COL28A1: variants seen among roughly 807,000 people sequenced by gnomAD.
COL28A1 encodes the protein collagen alpha-1(XXVIII) chain.
Under a neutral mutation model 150.2 loss-of-function variants are expected in COL28A1, and 161 were observed. The ratio of observed to expected loss-of-function variants is 1.07; its 90% confidence interval spans 0.94 to 1.22. The LOEUF is 1.22. COL28A1 is among the 50% of genes most tolerant of loss of function. COL28A1 has a pLI of 0.00. For missense variants in COL28A1, 1,617 were observed against 1,388.3 expected (o/e 1.16, Z -2.62); for synonymous variants, 552 against 469.7 (o/e 1.18, Z -2.26).
At chr7:7,400,413 A>G (rs1583293588) in intron 27 of COL28A1, among the ~76,000 whole-genome samples, 1 of 152,224 alleles carries the variant, frequency 6.6e-6, no homozygotes, top group Non-Finnish European at 1.5e-5. Context: ...AGATGGAAGA[A>G]GGAGCCACGA....
At chr7:7,434,977 G>A (rs539506207) in intron 23 of COL28A1, among the ~76,000 whole-genome samples, 14 of 152,214 alleles carry the variant, frequency 9.2e-5, no homozygotes, top group South Asian at 6.2e-4. Flanking sequence ...TAAATCTTCC[G>A]TCAGACCTTC....
At chr7:7,430,801 G>C (rs998617948) in intron 25 of COL28A1, among the ~76,000 whole-genome samples, 14 of 152,004 alleles carry the variant, frequency 9.2e-5, no homozygotes, top group African/African-American at 2.4e-5. Context: ...AAAGAAAAAA[G>C]AATACATCAG....
At position 7,511,725 on chromosome 7, in the gene COL28A1, G is replaced by A. The variant is rs1200464757; in HGVS notation, c.883-590C>T. 4 of 470,756 alleles carry A rather than the reference G, an allele frequency of 8.5e-6. No homozygotes were observed. In the Admixed American group the frequency reaches 9.4e-5, roughly 11 times the overall value. The allele number at this position is 470,756 out of a possible 1,614,324, so 29.2% of individuals were successfully genotyped here. On this transcript the variant is annotated intron_variant, in intron 8 of 34. Coordinates refer to ENST00000399429, the MANE Select transcript of COL28A1 (RefSeq NM_001037763.3). Reference sequence around the variant, plus strand: ...TGAAGTGAGATTGCATCGTGAGTTAGTGGGAACAGGTGCCATGATGAGTTA... The same window carrying A: ...TGAAGTGAGATTGCATCGTGAGTTAATGGGAACAGGTGCCATGATGAGTTA...
chr7:7,507,135 C>T lies in COL28A1; in HGVS notation c.954G>A (p.Lys318=). The T allele has an allele frequency of 3.8e-6, 5 of 1,300,560 alleles. No individual in the cohort carries two copies. The South Asian group carries it at 4.8e-5, about 12-fold the overall frequency. The allele number at this position is 1,300,560 out of a possible 1,614,324, so 80.6% of individuals were successfully genotyped here. Residue 318 remains lysine (K), a synonymous_variant, in exon 10 of 35, where the codon AAG becomes AAA. Coordinates refer to ENST00000399429, the MANE Select transcript of COL28A1 (RefSeq NM_001037763.3). ...CCCTTACCTGAATTCCTCTGGGTCC[C>T]TTTGGTCCATATGGCCCTGGGGATC... The part of the protein sequence containing the change: ...DKGSPGPYGP[K]GPRGIQGITG...
chr7:7,471,539 T>A (rs1788429623), intron 15 of COL28A1, among the ~76,000 whole-genome samples: 1 of 152,182 alleles, frequency 6.6e-6, no homozygotes, highest in Non-Finnish European at 1.5e-5. Context: ...ATGGGTTTCA[T>A]AACAGGGATG....
chr7:7,441,579 T>C (rs2128320766), intron 20 of COL28A1, among the ~76,000 whole-genome samples: 1 of 152,034 alleles, frequency 6.6e-6, no homozygotes, highest in African/African-American at 2.4e-5. Context: ...TAAATATTTA[T>C]ACTATAAATT....
intron 27 of COL28A1, among the ~76,000 whole-genome samples, chr7:7,399,471 G>A (rs1783040681): frequency 6.6e-6 from 1 of 152,108 alleles, no homozygotes; most frequent in Admixed American, 6.6e-5. Context: ...CTATTTCAGG[G>A]CCCTGCATAT....
intron 9 of COL28A1, among the ~76,000 whole-genome samples, chr7:7,510,078 A>G (rs917102897): frequency 6.6e-6 from 1 of 152,104 alleles, no homozygotes; most frequent in Non-Finnish European, 1.5e-5. Flanking sequence ...TTCCAGAATT[A>G]TAACATAGAA....
At chr7:7,533,018 A>T in intron 1 of COL28A1, 106 bp from the exon 2 acceptor site, 1 of 1,192,448 alleles carries the variant, frequency 8.4e-7, no homozygotes, top group Non-Finnish European at 1.1e-6. Context: ...TGGAAAAAAG[A>T]GGTTTTCATT....
chr7:7,414,016 T>A (rs1783931131), intron 27 of COL28A1, among the ~76,000 whole-genome samples: 1 of 152,190 alleles, frequency 6.6e-6, no homozygotes, highest in Non-Finnish European at 1.5e-5. Context: ...ATCAGGACAC[T>A]GGAACGGACT....
chr7:7,489,737 C>T (rs1453335073), intron 12 of COL28A1, among the ~76,000 whole-genome samples: 1 of 152,154 alleles, frequency 6.6e-6, no homozygotes, highest in Admixed American at 6.5e-5. Context: ...TGTGGCAATG[C>T]AGGTTGGTTA....
intron 13 of COL28A1, 86 bp from the exon 14 acceptor site, chr7:7,477,266 G>A: frequency 2.6e-6 from 2 of 768,294 alleles, no homozygotes; most frequent in Non-Finnish European, 4.6e-6. Context: ...GGAAGAAAGA[G>A]AATGGTTATA....
the COL28A1 span, among the ~76,000 whole-genome samples, chr7:7,343,850 A>T: frequency 1.3e-5 from 2 of 152,000 alleles, no homozygotes; most frequent in Non-Finnish European, 2.9e-5. Flanking sequence ...TCTACAAAAA[A>T]ATCAAAAATT....
chr7:7,396,089 G>T (rs922778755), intron 27 of COL28A1, among the ~76,000 whole-genome samples: 2 of 152,112 alleles, frequency 1.3e-5, no homozygotes, highest in African/African-American at 4.8e-5. Context: ...CACTTGAGAA[G>T]GTAAAGGTAT....
At chr7:7,507,207 A>G (rs765071497) in intron 9 of COL28A1, 46 bp from the exon 10 acceptor site, 1 of 839,236 alleles carries the variant, frequency 1.2e-6, no homozygotes. Flanking sequence ...ATACATCTTC[A>G]ACGTGCAGTG....
chr7:7,437,381 C>T lies in COL28A1; in HGVS notation c.1791+13G>A, dbSNP rs1242531606. ...GGGTCAAGAAAAAGAAAATAATCTC[C>T]AAGAATATATACCTTTGGCCCAGGT... On this transcript the variant is annotated intron_variant, in intron 22 of 34. Transcript: ENST00000399429. 1 of 1,603,354 alleles carries T rather than the reference C, an allele frequency of 6.2e-7. No homozygotes were observed. The highest frequency in any genetic ancestry group is 1.7e-5 in the Admixed American group (1 of 58,064).
intron 33 of COL28A1, among the ~76,000 whole-genome samples, chr7:7,363,031 T>G (rs2128279233): frequency 6.6e-6 from 1 of 152,270 alleles, no homozygotes; most frequent in South Asian, 2.1e-4. Flanking sequence ...TTCCAAAAGT[T>G]ATTGGTAAGC....
At chr7:7,366,512 G>C (rs1018470955) in intron 33 of COL28A1, among the ~76,000 whole-genome samples, 7 of 152,066 alleles carry the variant, frequency 4.6e-5, no homozygotes, top group Non-Finnish European at 1.0e-4. Flanking sequence ...TATATTCTGA[G>C]GGTAACAAGT....
intron 27 of COL28A1, among the ~76,000 whole-genome samples, chr7:7,414,111 G>C (rs541025180): frequency 2.0e-5 from 3 of 152,272 alleles, no homozygotes; most frequent in East Asian, 3.9e-4. Context: ...CTGTCTCCGT[G>C]CTTTTTAACC....
Sources: gnomAD v4.1 joint callset for allele counts (sites outside exome capture counted in the v4.1 genomes callset) on GRCh38, gnomAD v4.1.1 for gene constraint, MANE v1.5 for transcripts, NCBI Gene and HGNC (gene_info 2026-07-23, HGNC 2026-07-21) for gene names.